The following MFAP1 variants were observed in gnomAD, a reference collection of about 807,000 sequenced individuals.
The protein encoded by MFAP1 is microfibril associated protein 1, also known as microfibrillar-associated protein 1.
In MFAP1, 18 loss-of-function variants were observed where a neutral mutation model predicts 62.2. The ratio of observed to expected loss-of-function variants is 0.29; its 90% CI spans 0.20 to 0.43. The LOEUF (loss-of-function observed/expected upper bound fraction) is 0.43. Among genes scored for constraint, MFAP1 ranks in the 20% least tolerant of loss-of-function variants. MFAP1 has a pLI of 1.00. For synonymous variants in MFAP1, 175 were observed against 180.4 expected, an observed-to-expected ratio of 0.97 and a Z score of 0.24; for missense variants, 355 against 559.7, an observed-to-expected ratio of 0.63 and a Z score of 3.69.
In MFAP1 at chr15:43,824,565, G is replaced by A; in HGVS notation, c.5C>T (p.Ser2Leu). ...TTGCTTCATGAGAGCGCTTGGGACC[G>A]ACATGTTGATGGCAGCGACGGTGAT... is the stretch of plus-strand genomic sequence containing the variant. M[S>L]VPSALMKQPP... The change falls in exon 1 of 9, where the codon TCG (serine) becomes TTG (leucine). Residue 2 changes from serine to leucine, a missense_variant. Physicochemically the swap from Ser to Leu is moderately radical, Grantham distance 145. Transcript: ENST00000267812. 1 of 1,614,178 alleles carries A rather than the reference G, an allele frequency of 6.2e-7. No homozygotes were observed.
chr15:43,818,526 A>C (rs377692957), intron 1 of MFAP1, among the ~76,000 whole-genome samples: 96 of 148,662 alleles, frequency 6.5e-4, no homozygotes, highest in Middle Eastern at 6.9e-3. Context: ...AAGAAACAAA[A>C]AAAAAAAACC....
intron 6 of MFAP1, 67 bp from the exon 7 acceptor site, chr15:43,809,981 T>C: frequency 6.4e-7 from 1 of 1,570,154 alleles, no homozygotes; most frequent in Non-Finnish European, 8.7e-7. Context: ...TATCTGAAAA[T>C]AACAGTCCCA....
At chr15:43,820,884 C>T (rs1454486515) in intron 1 of MFAP1, among the ~76,000 whole-genome samples, 1 of 152,196 alleles carries the variant, frequency 6.6e-6, no homozygotes, top group Non-Finnish European at 1.5e-5. Flanking sequence ...GCTGGGATTA[C>T]AGGCGTGAGC....
At position 43,814,432 on chromosome 15, in the gene MFAP1, C is replaced by T; in HGVS notation, c.617+69G>A. 4 of 1,497,420 alleles carry T rather than the reference C, an allele frequency of 2.7e-6. No individual in the cohort carries two copies. In the East Asian group the frequency reaches 9.3e-5, roughly 35 times the overall value. 92.8% of individuals were successfully genotyped at this position (1,497,420 alleles called of 1,614,324 possible). A position where few individuals can be genotyped will look rare whatever the true frequency, so the allele number is the denominator to read the frequency against. ...GATTTCAGAATAGCAAGACAGAAAACAGACTTTTGTCTCCAGGCCTGGAAA... is the reference window on the plus strand; with the variant it reads ...GATTTCAGAATAGCAAGACAGAAAATAGACTTTTGTCTCCAGGCCTGGAAA... On this transcript the variant is annotated intron_variant, in intron 4 of 8. Transcript: ENST00000267812.
In MFAP1 at chr15:43,804,620, T is replaced by C. The variant is rs993830158; in HGVS notation, c.*474A>G. 3 of 152,916 alleles carry C rather than the reference T, an allele frequency of 2.0e-5. No homozygotes were observed. The highest frequency in any genetic ancestry group is 2.0e-4 in the Admixed American group (3 of 15,296). The allele number at this position is 152,916 out of a possible 1,614,324, so 9.5% of individuals were successfully genotyped here. On this transcript the variant is annotated 3_prime_UTR_variant, in exon 9 of 9. Transcript: ENST00000267812. ...TTTTATTTCTTGACATGCACACATATATGGATCAAAAAGTATGTACAACTA... is the reference window on the plus strand; with the variant it reads ...TTTTATTTCTTGACATGCACACATACATGGATCAAAAAGTATGTACAACTA...
intron 6 of MFAP1, among the ~76,000 whole-genome samples, chr15:43,812,407 C>T (rs1197716488): frequency 4.6e-5 from 7 of 152,186 alleles, no homozygotes; most frequent in South Asian, 2.1e-4. Flanking sequence ...GTTCTGGAAC[C>T]GACATGTCAG....
chr15:43,808,917 A>AAAGAC (rs1280632800), intron 7 of MFAP1, among the ~76,000 whole-genome samples: 1 of 152,254 alleles, frequency 6.6e-6, no homozygotes, highest in Non-Finnish European at 1.5e-5. Context: ...CTTAGTCTTT[A>AAAGAC]TATGAAAAAC....
chr15:43,818,097 G>A (rs977505260), intron 1 of MFAP1, among the ~76,000 whole-genome samples: 2 of 147,444 alleles, frequency 1.4e-5, no homozygotes, highest in Non-Finnish European at 3.0e-5. Flanking sequence ...TCGGCTCACT[G>A]CAACCTCCGC....
intron 1 of MFAP1, 96 bp from the exon 2 acceptor site, chr15:43,817,544 G>T: frequency 8.4e-7 from 1 of 1,197,068 alleles, no homozygotes; most frequent in Non-Finnish European, 1.2e-6. Flanking sequence ...ATTCATAGTA[G>T]ACAAGAGTCT....
intron 7 of MFAP1, among the ~76,000 whole-genome samples, chr15:43,809,456 C>T (rs564090812): frequency 1.3e-5 from 2 of 151,572 alleles, no homozygotes; most frequent in Admixed American, 6.6e-5. Flanking sequence ...ATCGCACCAC[C>T]GTACCCCAGC....
intron 1 of MFAP1, among the ~76,000 whole-genome samples, chr15:43,820,682 C>A (rs566729688): frequency 6.6e-6 from 1 of 152,048 alleles, no homozygotes; most frequent in African/African-American, 2.4e-5. Flanking sequence ...CATGGCTCAC[C>A]GCAGCGTCAG....
At chr15:43,810,969 C>T (rs1171677388) in intron 6 of MFAP1, among the ~76,000 whole-genome samples, 5 of 148,760 alleles carry the variant, frequency 3.4e-5, no homozygotes, top group Non-Finnish European at 6.0e-5. Context: ...GTTGGACAGG[C>T]GGGTGTCAAA....
rs939233420 is a variant in MFAP1 at position 43,804,935 on chromosome 15, C to A, written c.*159G>T. ...TTTCTCAGCATGAGTCCAAACCTCA[C>A]AAAGCACCTTCAAAGTCTGGGCTAC... On this transcript the variant is annotated 3_prime_UTR_variant, in exon 9 of 9. Coordinates refer to ENST00000267812, the MANE Select transcript of MFAP1 (RefSeq NM_005926.3). 4 of 772,376 alleles carry A rather than the reference C, an allele frequency of 5.2e-6. No homozygotes were observed. In the African/African-American group the frequency reaches 6.9e-5, roughly 13 times the overall value. 47.8% of individuals were successfully genotyped at this position (772,376 alleles called of 1,614,324 possible).
rs548179015 is a variant in MFAP1 at position 43,807,395 on chromosome 15, C to T, written c.1048-1930G>A. 7.5e-3 allele frequency among the ~76,000 whole-genome samples: 1,131 copies of T among 150,814 alleles called. 15 individuals are homozygous for T. The highest frequency in any genetic ancestry group is 0.026 in the African/African-American group (1,067 of 41,172). On this transcript the variant is annotated intron_variant, in intron 7 of 8. Coordinates refer to ENST00000267812, the MANE Select transcript of MFAP1 (RefSeq NM_005926.3). ...ATACAGTCTCACTCTGTCGCCCAGG[C>T]TAGAGTGCAGTGGCGTGATCTCGGC...
In MFAP1 at chr15:43,809,814, C is replaced by A. The variant is rs778366772; in HGVS notation, c.988G>T (p.Ala330Ser). 1 of 1,614,162 alleles carries A rather than the reference C, an allele frequency of 6.2e-7. No individual in the cohort carries two copies. Among genetic ancestry groups the A allele is most frequent in the Non-Finnish European group, 8.5e-7 (1 of 1,180,022 alleles). Residue 330 changes from alanine to serine, a missense_variant, in exon 7 of 9, where the codon GCT becomes TCT. By Grantham distance (99) the Ala-to-Ser change is moderately conservative. This residue lies in a region of MFAP1 where 24 missense variants were observed against 57.0 expected (regional missense o/e 0.42). Transcript: ENST00000267812. ...RANGKVITNK[A>S]VKGKYKFLQK... ...AAGAACTTGTATTTGCCCTTAACAG[C>A]TTTGTTGGTAATGACTTTGCCGTTT...
chr15:43,806,777 C>G (rs938928522), intron 7 of MFAP1, among the ~76,000 whole-genome samples: 4 of 152,162 alleles, frequency 2.6e-5, no homozygotes, highest in African/African-American at 9.7e-5. Context: ...GAGGCCAAGG[C>G]AGGAGAATCA....
Position 43,812,969 on chromosome 15 carries a change from G to T in MFAP1, c.887+18C>A. On this transcript the variant is annotated intron_variant, in intron 6 of 8. Transcript: ENST00000267812. Reference sequence around the variant, plus strand: ...GTTCCATTAGCAGCATTAACTCTAGGCTCATCTTTTTACTCACGCTTCTCG... The same window carrying T: ...GTTCCATTAGCAGCATTAACTCTAGTCTCATCTTTTTACTCACGCTTCTCG... 6.2e-7 allele frequency: 1 copy of T among 1,613,480 alleles called. No individual in the cohort carries two copies. Among genetic ancestry groups the T allele is most frequent in the Non-Finnish European group, 8.5e-7 (1 of 1,179,698 alleles).
chr15:43,818,863 G>A (rs2141711791), intron 1 of MFAP1, among the ~76,000 whole-genome samples: 1 of 152,242 alleles, frequency 6.6e-6, no homozygotes, highest in African/African-American at 2.4e-5. Flanking sequence ...ACTCACTTTA[G>A]CCTGAGTGAT....
chr15:43,815,215 T>A, intron 2 of MFAP1, 141 bp from the exon 3 acceptor site: 1 of 1,072,752 alleles, frequency 9.3e-7, no homozygotes, highest in Admixed American at 2.7e-5. Flanking sequence ...GGTCTTGCTC[T>A]GTCGCCCAGG....
Sources: allele counts gnomAD v4.1 joint callset (sites outside exome capture counted in the v4.1 genomes callset), GRCh38; gene constraint gnomAD v4.1.1; regional missense constraint gnomAD v4.1.1; transcripts MANE v1.5; gene names NCBI Gene and HGNC (gene_info 2026-07-23, HGNC 2026-07-21).